CNGB1: variants seen among roughly 807,000 people sequenced by gnomAD.
CNGB1 encodes cyclic nucleotide gated channel subunit beta 1, also known as cyclic nucleotide-gated channel beta-1.
In CNGB1, 126 loss-of-function variants were observed where a neutral mutation model predicts 151.7. That is an observed-to-expected ratio of 0.83 (90% CI 0.72 to 0.96). The LOEUF is 0.96. CNGB1 is among the 40% of genes least tolerant of loss of function. The pLI is 0.00. For synonymous variants in CNGB1, 623 were observed against 635.1 expected (o/e 0.98, Z 0.29); for missense variants, 1,698 against 1,627.0 (o/e 1.04, Z -0.75).
chr16:57,922,708 C>T (rs1247636252), intron 18 of CNGB1, among the ~76,000 whole-genome samples: 1 of 152,082 alleles, frequency 6.6e-6, no homozygotes, highest in African/African-American at 2.4e-5. Context: ...GGATTACAGG[C>T]ATGAGCCACC....
At chr16:57,964,924 C>T (rs377385295) in intron 2 of CNGB1, among the ~76,000 whole-genome samples, 1 of 152,202 alleles carries the variant, frequency 6.6e-6, no homozygotes, top group Non-Finnish European at 1.5e-5. Flanking sequence ...GGAGCCCACG[C>T]CCCTCATCCT....
At chr16:57,913,096 A>T in intron 23 of CNGB1, 102 bp from the exon 24 acceptor site, 1 of 1,021,816 alleles carries the variant, frequency 9.8e-7, no homozygotes, top group Non-Finnish European at 1.5e-6. Flanking sequence ...TGCAGCCCCC[A>T]GGAGGGAACA....
Position 57,931,748 on chromosome 16 carries a change from A to T in CNGB1, c.1503T>A (p.Leu501=). The T allele has an allele frequency of 6.2e-7, 1 of 1,614,134 alleles. No individual in the cohort carries two copies. Among genetic ancestry groups the T allele is most frequent in the South Asian group, 1.1e-5 (1 of 91,086 alleles). The change falls in exon 17 of 33, where the codon CTT becomes CTA. Residue 501 remains leucine (L), a synonymous_variant. Transcript: ENST00000251102. Reference sequence around the variant, plus strand: ...TCCCCGAGGCTGAGCTTGGGACTATAAGGGTGTCTGATTTGGCAGGAGACG... The same window carrying T: ...TCCCCGAGGCTGAGCTTGGGACTATTAGGGTGTCTGATTTGGCAGGAGACG... ...PPPSPAKSDT[L]IVPSSASGTH...
chr16:57,940,281 C>T lies in CNGB1; in HGVS notation c.1162G>A (p.Gly388Ser), dbSNP rs1261972022. 2 of 1,582,878 alleles carry T rather than the reference C, an allele frequency of 1.3e-6. No homozygotes were observed. The highest frequency in any genetic ancestry group is 2.3e-5 in the East Asian group (1 of 43,704). ...DSCVVSQVGV[G>S]QSEEDGTRPQ... ...CGGGTCCCGTCTTCTTCACTCTGGC[C>T]CACGCCCACCTGCGACACCACACAG... Residue 388 changes from glycine to serine, a missense_variant, in exon 15 of 33, where the codon GGC becomes AGC. Physicochemically the swap from Gly to Ser is moderately conservative, Grantham distance 56 (BLOSUM62 0). Coordinates refer to ENST00000251102, the MANE Select transcript of CNGB1 (RefSeq NM_001297.5).
intron 22 of CNGB1, among the ~76,000 whole-genome samples, chr16:57,915,587 G>A (rs1201382587): frequency 6.6e-6 from 1 of 152,190 alleles, no homozygotes; most frequent in Non-Finnish European, 1.5e-5. Flanking sequence ...AGGGGCGGGA[G>A]TGGTACAGAC....
intron 14 of CNGB1, among the ~76,000 whole-genome samples, chr16:57,946,156 G>C (rs1961803647): frequency 2.0e-5 from 3 of 152,210 alleles, no homozygotes; most frequent in Admixed American, 1.3e-4. Flanking sequence ...GATTGGCTGA[G>C]GTTGGCTTCC....
Position 57,939,462 on chromosome 16 carries a change from G to C in CNGB1, c.1340C>G (p.Pro447Arg), listed in dbSNP as rs747988552. 1 of 1,614,026 alleles carries C rather than the reference G, an allele frequency of 6.2e-7. No individual in the cohort carries two copies. Among genetic ancestry groups the C allele is most frequent in the African/African-American group, 1.3e-5 (1 of 74,916 alleles). The part of the protein sequence containing the change: ...PQDWAETKEE[P>R]EAEAEAASSG... Reference sequence around the variant, plus strand: ...ACTGGCAGCCTCGGCCTCAGCCTCAGGCTCCTCCTTGGTCTCCGCCCAGTC... The same window carrying C: ...ACTGGCAGCCTCGGCCTCAGCCTCACGCTCCTCCTTGGTCTCCGCCCAGTC... Residue 447 changes from proline (P) to arginine (R), a missense_variant, in exon 16 of 33, where the codon CCT becomes CGT. By Grantham distance (103) the Pro-to-Arg change is moderately radical (BLOSUM62 -2). Transcript: ENST00000251102.
Position 57,897,545 on chromosome 16 carries a change from T to C in CNGB1, c.3096-2A>G. 6.2e-7 allele frequency: 1 copy of C among 1,613,986 alleles called. No individual in the cohort carries two copies. Among genetic ancestry groups the C allele is most frequent in the Non-Finnish European group, 8.5e-7 (1 of 1,180,024 alleles). Reference sequence around the variant, plus strand: ...TTCCCGCCCCCAACAGCCAGCAAGCTGGGGCAGAGAAGGGAGGAAGGAGGC... The same window carrying C: ...TTCCCGCCCCCAACAGCCAGCAAGCCGGGGCAGAGAAGGGAGGAAGGAGGC... On this transcript the variant is annotated splice_acceptor_variant, in intron 30 of 32. Coordinates refer to ENST00000251102, the MANE Select transcript of CNGB1 (RefSeq NM_001297.5). LOFTEE classifies it high-confidence loss of function.
chr16:57,898,800 C>T (rs1334637615), intron 29 of CNGB1, among the ~76,000 whole-genome samples: 1 of 152,174 alleles, frequency 6.6e-6, no homozygotes, highest in Non-Finnish European at 1.5e-5. Flanking sequence ...GGGATCTGAA[C>T]CCAGACAGTC....
intron 18 of CNGB1, among the ~76,000 whole-genome samples, chr16:57,921,682 A>G (rs3784898): frequency 0.011 from 1,640 of 152,304 alleles, 41 homozygotes; most frequent in East Asian, 0.079. Flanking sequence ...GCTCTCAGAC[A>G]CAATACATGC....
At chr16:57,910,361 G>A (rs932423340) in intron 25 of CNGB1, among the ~76,000 whole-genome samples, 1 of 151,988 alleles carries the variant, frequency 6.6e-6, no homozygotes, top group East Asian at 1.9e-4. Flanking sequence ...GCCAAGCAGG[G>A]AATTTTTATT....
At chr16:57,899,229 A>G (rs1261613230) in intron 29 of CNGB1, among the ~76,000 whole-genome samples, 1 of 152,228 alleles carries the variant, frequency 6.6e-6, no homozygotes, top group African/African-American at 2.4e-5. Context: ...CTAGTCTGCC[A>G]TGCGCCTTCC....
chr16:57,897,883 T>C lies in CNGB1; in HGVS notation c.3008A>G (p.Gln1003Arg), dbSNP rs758652454. 1.9e-6 allele frequency: 3 copies of C among 1,614,096 alleles called. No homozygotes were observed. The highest frequency in any genetic ancestry group is 1.7e-5 in the Admixed American group (1 of 60,004). Residue 1003 changes from glutamine (Q) to arginine (R), a missense_variant, in exon 30 of 33, where the codon CAG (glutamine) becomes CGG (arginine). Physicochemically the swap from Gln to Arg is conservative, Grantham distance 43 (BLOSUM62 1). Coordinates refer to ENST00000251102, the MANE Select transcript of CNGB1 (RefSeq NM_001297.5). ...GEIGREMYIIQAGQVQVLGGP... is the reference protein window; with the variant it reads ...GEIGREMYIIRAGQVQVLGGP... Reference sequence around the variant, plus strand: ...GCCCAAGACCTGCACTTGCCCTGCCTGGATGATGTACATCTCACGGCCGAT... The same window carrying C: ...GCCCAAGACCTGCACTTGCCCTGCCCGGATGATGTACATCTCACGGCCGAT...
chr16:57,937,807 T>C (rs1961553194), intron 16 of CNGB1, among the ~76,000 whole-genome samples: 1 of 152,220 alleles, frequency 6.6e-6, no homozygotes. Context: ...GGGCTGTGCA[T>C]TGGAATCACC....
rs764116711 is a variant in CNGB1 at position 57,960,911 on chromosome 16, C to G, written c.463G>C (p.Gly155Arg). 1 of 1,614,176 alleles carries G rather than the reference C, an allele frequency of 6.2e-7. No homozygotes were observed. Among genetic ancestry groups the G allele is most frequent in the Non-Finnish European group, 8.5e-7 (1 of 1,180,020 alleles). ...TCCAGCCACAGAAGCAGCCGCAGCC[C>G]AGGCCTGCAGAGGGGCCAGTGATCA... ...EALEAQDTRP[G>R]LRLLLWLEQN... The change falls in exon 8 of 33, where the codon GGG (glycine) becomes CGG (arginine). Residue 155 changes from glycine (G) to arginine (R), a missense_variant. By Grantham distance (125) the Gly-to-Arg change is moderately radical. Transcript: ENST00000251102.
Position 57,898,521 on chromosome 16 carries a change from G to A in CNGB1, c.2977-607C>T, listed in dbSNP as rs181541278. On this transcript the variant is annotated intron_variant, in intron 29 of 32. Coordinates refer to ENST00000251102, the MANE Select transcript of CNGB1 (RefSeq NM_001297.5). ...GCCTCCCAAACAGCTGCGATTACAG[G>A]CATCATGCTTCAGCCTCCCGAGTAG... Among the ~76,000 whole-genome samples, 192 of 152,222 alleles carry A rather than the reference G, an allele frequency of 1.3e-3. 4 individuals are homozygous for A. In the South Asian group the frequency reaches 0.031, roughly 25 times the overall value.
In CNGB1 at chr16:57,884,140, G is replaced by A. The variant is rs371395789; in HGVS notation, c.*24C>T. The A allele has an allele frequency of 3.3e-5, 54 of 1,613,572 alleles. No individual in the cohort carries two copies. In the Middle Eastern group the frequency reaches 8.2e-4, roughly 25 times the overall value. On this transcript the variant is annotated 3_prime_UTR_variant, in exon 33 of 33. Transcript: ENST00000251102. ...CTGGGGACACACCTGCTGGAACTGC[G>A]CGCGGGATCCGCCTCACCCCACCTT...
chr16:57,901,157 A>T (rs973688175), intron 29 of CNGB1, among the ~76,000 whole-genome samples, 195 bp downstream of exon 29: 3 of 152,178 alleles, frequency 2.0e-5, no homozygotes, highest in Non-Finnish European at 2.9e-5. Flanking sequence ...GACTGCATAG[A>T]GTCGGCAAAG....
At chr16:57,901,234 C>T in intron 29 of CNGB1, 118 bp downstream of exon 29, 4 of 1,008,358 alleles carry the variant, frequency 4.0e-6, no homozygotes, top group Non-Finnish European at 4.7e-6. Context: ...AGACGCTCTT[C>T]TCCCTCCCCA....
Sources: gnomAD v4.1 joint callset for allele counts (sites outside exome capture counted in the v4.1 genomes callset) on GRCh38, gnomAD v4.1.1 for gene constraint, MANE v1.5 for transcripts, NCBI Gene and HGNC (gene_info 2026-07-23, HGNC 2026-07-21) for gene names.